Variants in SPACA7 observed in about 807,000 individuals in gnomAD.
The protein encoded by SPACA7 is sperm acrosome associated 7.
SPACA7 carries 19 observed loss-of-function variants against 26.3 expected under a neutral mutation model. That is an observed-to-expected ratio of 0.72 (90% CI 0.50 to 1.06). The LOEUF is 1.06. Ranked by LOEUF, SPACA7 falls within the 50% of genes least tolerant of loss-of-function variation. SPACA7 has a pLI of 0.00. For synonymous variants in SPACA7, 84 were observed against 84.5 expected, an observed-to-expected ratio of 0.99 and a Z score of 0.04; for missense variants, 211 against 229.9, an observed-to-expected ratio of 0.92 and a Z score of 0.53.
intron 1 of SPACA7, 124 bp from the exon 2 acceptor site, chr13:112,392,897 C>G (rs1884984360): frequency 1.5e-6 from 1 of 663,202 alleles, no homozygotes; most frequent in South Asian, 2.5e-5. Flanking sequence ...GAGACTGGAA[C>G]TTGGGCAGGG....
At chr13:112,432,860 G>A (rs1191011401) in intron 6 of SPACA7, among the ~76,000 whole-genome samples, 1 of 152,202 alleles carries the variant, frequency 6.6e-6, no homozygotes, top group African/African-American at 2.4e-5. Context: ...GATGACGGGA[G>A]CCTGCTCCCC....
chr13:112,401,061 C>T lies in SPACA7; in HGVS notation c.350-8C>T. 1 of 1,610,402 alleles carries T rather than the reference C, an allele frequency of 6.2e-7. No homozygotes were observed. ...TTTTCCCCATTTTTTCCATATTTGT[C>T]ATTAAAGAAGCCAATGCTAATGCAA... On this transcript the variant is annotated splice_polypyrimidine_tract_variant and splice_region_variant and intron_variant, in intron 4 of 6. Coordinates refer to ENST00000283550, the MANE Select transcript of SPACA7 (RefSeq NM_145248.5).
At chr13:112,379,670 T>C (rs1433148867) in intron 1 of SPACA7, among the ~76,000 whole-genome samples, 1 of 152,224 alleles carries the variant, frequency 6.6e-6, no homozygotes, top group African/African-American at 2.4e-5. Flanking sequence ...TTTACGAATT[T>C]AATGTATCAA....
At chr13:112,399,888 C>T (rs1028601768) in intron 4 of SPACA7, among the ~76,000 whole-genome samples, 6 of 152,158 alleles carry the variant, frequency 3.9e-5, no homozygotes, top group African/African-American at 1.4e-4. Context: ...GAAGCAAGTA[C>T]ATCTTCACAT....
intron 4 of SPACA7, among the ~76,000 whole-genome samples, chr13:112,400,232 A>T (rs1885548909): frequency 6.6e-6 from 1 of 152,152 alleles, no homozygotes; most frequent in Non-Finnish European, 1.5e-5. Flanking sequence ...ATTACCCCAA[A>T]GAGTCCCCCC....
intron 5 of SPACA7, among the ~76,000 whole-genome samples, chr13:112,425,561 C>T (rs1411854154): frequency 1.3e-5 from 2 of 152,074 alleles, no homozygotes; most frequent in Non-Finnish European, 2.9e-5. Context: ...AAAAGAAGAA[C>T]AGAATAAAGA....
intron 6 of SPACA7, among the ~76,000 whole-genome samples, chr13:112,432,990 C>T (rs1447540036): frequency 2.0e-5 from 3 of 152,300 alleles, no homozygotes; most frequent in South Asian, 4.1e-4. Context: ...CACCACTGTC[C>T]GCCTGCTAAG....
chr13:112,385,569 T>A (rs953902832), intron 1 of SPACA7, among the ~76,000 whole-genome samples: 1 of 152,192 alleles, frequency 6.6e-6, no homozygotes, highest in Non-Finnish European at 1.5e-5. Flanking sequence ...TATAATCTAA[T>A]GCTTCAAAGT....
At position 112,392,235 on chromosome 13, in the gene SPACA7, C is replaced by A. The variant is rs545537390; in HGVS notation, c.95-786C>A. On this transcript the variant is annotated intron_variant, in intron 1 of 6. Coordinates refer to ENST00000283550, the MANE Select transcript of SPACA7 (RefSeq NM_145248.5). ...GAAGCAGGGAACTACTGGGAAGGGG[C>A]TAACAAGGAGAAAGCAGTGCTCAGA... Among the ~76,000 whole-genome samples, 53 of 152,280 alleles carry A rather than the reference C, an allele frequency of 3.5e-4. 3 individuals carry two copies. In the South Asian group the frequency reaches 0.01, roughly 29 times the overall value.
intron 5 of SPACA7, among the ~76,000 whole-genome samples, chr13:112,415,975 A>G (rs1048010424): frequency 4.0e-5 from 6 of 151,600 alleles, no homozygotes; most frequent in African/African-American, 9.7e-5. Context: ...TTGAGCTCCA[A>G]TGCAAGGTCC....
At chr13:112,399,022 T>C (rs1885464001) in intron 3 of SPACA7, 44 bp from the exon 4 acceptor site, 1 of 1,212,008 alleles carries the variant, frequency 8.3e-7, no homozygotes, top group African/African-American at 1.5e-5. Flanking sequence ...ACCTGTGTAA[T>C]CAAGAAAACT....
chr13:112,434,515 C>A lies in SPACA7; in HGVS notation c.554C>A (p.Thr185Asn). The A allele has an allele frequency of 6.2e-7, 1 of 1,610,790 alleles. No individual in the cohort carries two copies. The highest frequency in any genetic ancestry group is 8.5e-7 in the Non-Finnish European group (1 of 1,178,718). ...GNIFHKEQQR[T>N]SAQRRSQGSQ is the part of the protein sequence containing the mutation. ...ATTTTCCATAAAGAGCAGCAGAGGACCAGCGCACAGAGGAGGAGCCAAGGC... is the reference window on the plus strand; with the variant it reads ...ATTTTCCATAAAGAGCAGCAGAGGAACAGCGCACAGAGGAGGAGCCAAGGC... Residue 185 changes from threonine to asparagine, a missense_variant, in exon 7 of 7, where the codon ACC becomes AAC. By Grantham distance (65) the Thr-to-Asn change is moderately conservative (BLOSUM62 0). Coordinates refer to ENST00000283550, the MANE Select transcript of SPACA7 (RefSeq NM_145248.5).
intron 1 of SPACA7, among the ~76,000 whole-genome samples, chr13:112,379,373 A>G (rs1296364946): frequency 1.3e-5 from 2 of 152,244 alleles, no homozygotes; most frequent in Non-Finnish European, 2.9e-5. Context: ...GAGTAAAACA[A>G]TAATTGTCTT....
intron 1 of SPACA7, among the ~76,000 whole-genome samples, chr13:112,378,901 C>T (rs549998005): frequency 5.3e-5 from 8 of 152,238 alleles, no homozygotes; most frequent in African/African-American, 1.4e-4. Flanking sequence ...ATTAAACTTA[C>T]GCAAACAATT....
chr13:112,377,365 C>T (rs1034291798), intron 1 of SPACA7, among the ~76,000 whole-genome samples: 2 of 152,172 alleles, frequency 1.3e-5, no homozygotes, highest in Non-Finnish European at 2.9e-5. Context: ...AAAATCTAGA[C>T]ATCCATGAGA....
intron 5 of SPACA7, among the ~76,000 whole-genome samples, chr13:112,411,655 T>C (rs1330837395): frequency 6.6e-6 from 1 of 151,754 alleles, no homozygotes; most frequent in Non-Finnish European, 1.5e-5. Context: ...CATGAGATCA[T>C]TTTTTTTAGC....
At chr13:112,400,533 C>T (rs897393230) in intron 4 of SPACA7, among the ~76,000 whole-genome samples, 2 of 152,184 alleles carry the variant, frequency 1.3e-5, no homozygotes, top group Non-Finnish European at 2.9e-5. Context: ...TTATAAAACA[C>T]TAACACCGTT....
intron 5 of SPACA7, among the ~76,000 whole-genome samples, chr13:112,423,898 T>C (rs1876256719): frequency 6.6e-6 from 1 of 152,216 alleles, no homozygotes. Flanking sequence ...CAGCAAATCA[T>C]ATCTTCAAAC....
Position 112,432,104 on chromosome 13 carries a change from A to G in SPACA7, c.446-340A>G, listed in dbSNP as rs562692937. On this transcript the variant is annotated intron_variant, in intron 5 of 6. Transcript: ENST00000283550. ...TCCACAGAAGGGAGCCCTGCTCACC[A>G]CCAGCAGTGGGGAGCCCTTAGGACA... Among the ~76,000 whole-genome samples the G allele has an allele frequency of 9.8e-5, 15 of 152,336 alleles. No individual in the cohort carries two copies. In the East Asian group the frequency reaches 2.9e-3, roughly 29 times the overall value.
Sources: allele counts gnomAD v4.1 joint callset (sites outside exome capture counted in the v4.1 genomes callset), GRCh38; gene constraint gnomAD v4.1.1; transcripts MANE v1.5; gene names NCBI Gene and HGNC (gene_info 2026-07-23, HGNC 2026-07-21).